The following HIPK2 variants were observed in gnomAD, a reference collection of about 807,000 sequenced individuals.
HIPK2 encodes the protein homeodomain-interacting protein kinase 2.
A neutral mutation model predicts 113.7 loss-of-function variants in HIPK2; 27 were observed. That is an observed-to-expected ratio of 0.24 (90% CI 0.17 to 0.33). The LOEUF (loss-of-function observed/expected upper bound fraction) is 0.33. HIPK2 is among the 10% of genes least tolerant of loss of function. The pLI is 1.00. For missense variants in HIPK2, 1,257 were observed against 1,588.0 expected (o/e 0.79, Z 3.54); for synonymous variants, 631 against 642.2 (o/e 0.98, Z 0.26).
chr7:139,721,643 A>G (rs975398631), intron 1 of HIPK2, among the ~76,000 whole-genome samples: 1 of 152,234 alleles, frequency 6.6e-6, no homozygotes, highest in African/African-American at 2.4e-5. Flanking sequence ...CTTAATGCAC[A>G]TTGTCAGTTT....
chr7:139,709,278 TA>T (rs1386854060), intron 2 of HIPK2, among the ~76,000 whole-genome samples: 3 of 152,226 alleles, frequency 2.0e-5, no homozygotes, highest in African/African-American at 7.2e-5. Context: ...TTTCTATTAG[TA>T]AAAGACAAAT....
chr7:139,673,406 G>T (rs1266322492), intron 2 of HIPK2, among the ~76,000 whole-genome samples: 1 of 152,206 alleles, frequency 6.6e-6, no homozygotes, highest in Admixed American at 6.5e-5. Context: ...CTGGGAAAAA[G>T]TCACTTAGCT....
intron 1 of HIPK2, among the ~76,000 whole-genome samples, chr7:139,759,291 T>A (rs1796425293): frequency 6.6e-6 from 1 of 152,222 alleles, no homozygotes; most frequent in Non-Finnish European, 1.5e-5. Context: ...ACAGATTCCA[T>A]GGGTGATGTT....
intron 2 of HIPK2, among the ~76,000 whole-genome samples, chr7:139,704,512 ACACACCCCAACACACCCC>A (rs1213617650): frequency 4.0e-5 from 6 of 150,514 alleles, no homozygotes; most frequent in African/African-American, 1.5e-4. Context: ...CAACACACAC[ACACACCCCAACACACCCC>A]CACACCCCAT....
At chr7:139,704,874 A>G (rs374587774) in intron 2 of HIPK2, among the ~76,000 whole-genome samples, 18 of 152,264 alleles carry the variant, frequency 1.2e-4, no homozygotes, top group African/African-American at 4.1e-4. Context: ...CAGAAGCAGC[A>G]GCCTGGAGGT....
chr7:139,582,264 C>G (rs1312449635), intron 13 of HIPK2, among the ~76,000 whole-genome samples: 4 of 152,228 alleles, frequency 2.6e-5, no homozygotes, highest in Non-Finnish European at 5.9e-5. Flanking sequence ...GTCACCAGAC[C>G]CTAGCAGCAA....
intron 2 of HIPK2, among the ~76,000 whole-genome samples, chr7:139,648,452 C>T (rs993223580): frequency 2.6e-5 from 4 of 152,116 alleles, no homozygotes; most frequent in African/African-American, 4.8e-5. Flanking sequence ...CAGAGAGAAG[C>T]GTGGAGGGAA....
At chr7:139,586,528 G>A (rs1798836699) in intron 12 of HIPK2, among the ~76,000 whole-genome samples, 1 of 151,994 alleles carries the variant, frequency 6.6e-6, no homozygotes, top group Non-Finnish European at 1.5e-5. Flanking sequence ...CGGTGCTTTG[G>A]GAGGCTGAGG....
chr7:139,591,882 C>G (rs1049786962), intron 12 of HIPK2, among the ~76,000 whole-genome samples: 9 of 152,280 alleles, frequency 5.9e-5, no homozygotes, highest in Non-Finnish European at 1.3e-4. Flanking sequence ...GTAGCAGCTT[C>G]TCAACCAATG....
chr7:139,658,920 T>C (rs1801766444), intron 2 of HIPK2, among the ~76,000 whole-genome samples: 1 of 152,184 alleles, frequency 6.6e-6, no homozygotes, highest in Non-Finnish European at 1.5e-5. Flanking sequence ...GTAACCTTCC[T>C]ATATACCACT....
At chr7:139,750,707 T>C (rs1397818060) in intron 1 of HIPK2, among the ~76,000 whole-genome samples, 1 of 152,244 alleles carries the variant, frequency 6.6e-6, no homozygotes, top group African/African-American at 2.4e-5. Context: ...CAATGAGGAC[T>C]GCTGTGAGAA....
At chr7:139,771,592 T>C (rs1252119571) in intron 1 of HIPK2, among the ~76,000 whole-genome samples, 1 of 152,156 alleles carries the variant, frequency 6.6e-6, no homozygotes, top group East Asian at 1.9e-4. Context: ...GCACGGCTAT[T>C]GTAGGGGACA....
intron 2 of HIPK2, among the ~76,000 whole-genome samples, chr7:139,660,022 A>T (rs1192887939): frequency 6.6e-6 from 1 of 152,246 alleles, no homozygotes; most frequent in African/African-American, 2.4e-5. Context: ...TTCAAAAATC[A>T]CCTTTGGGCG....
intron 1 of HIPK2, among the ~76,000 whole-genome samples, chr7:139,729,790 T>G (rs891734342): frequency 3.9e-5 from 6 of 152,228 alleles, no homozygotes; most frequent in African/African-American, 1.4e-4. Context: ...GAAGGCTGCT[T>G]ACCTTGTCCC....
At chr7:139,749,857 G>A (rs1285300128) in intron 1 of HIPK2, among the ~76,000 whole-genome samples, 1 of 152,168 alleles carries the variant, frequency 6.6e-6, no homozygotes, top group East Asian at 1.9e-4. Flanking sequence ...ATCTTCACAA[G>A]GACAGAAGAT....
Position 139,621,465 on chromosome 7 carries a change from A to G in HIPK2, c.1620-902T>C, listed in dbSNP as rs115409244. Reference sequence around the variant, plus strand: ...AACCCCAACTACAAAAGTAAAGTATAAAAGTGGTGCTGAAACCAGCATCAG... The same window carrying G: ...AACCCCAACTACAAAAGTAAAGTATGAAAGTGGTGCTGAAACCAGCATCAG... On this transcript the variant is annotated intron_variant, in intron 6 of 14. Transcript: ENST00000406875. 3.5e-3 allele frequency among the ~76,000 whole-genome samples: 529 copies of G among 152,366 alleles called. 5 individuals carry two copies. The highest frequency in any genetic ancestry group is 0.012 in the African/African-American group (504 of 41,578).
intron 1 of HIPK2, among the ~76,000 whole-genome samples, chr7:139,766,276 C>G (rs1796551783): frequency 6.6e-6 from 1 of 152,218 alleles, no homozygotes. Context: ...CTGGCAATAG[C>G]AAGTGTGCGG....
chr7:139,724,618 T>C (rs1438605075), intron 1 of HIPK2, among the ~76,000 whole-genome samples: 1 of 151,874 alleles, frequency 6.6e-6, no homozygotes, highest in Non-Finnish European at 1.5e-5. Context: ...GCCATGCTGG[T>C]GTGCTGCACC....
chr7:139,609,591 T>C (rs1395609991), intron 9 of HIPK2, among the ~76,000 whole-genome samples: 1 of 152,192 alleles, frequency 6.6e-6, no homozygotes, highest in Non-Finnish European at 1.5e-5. Flanking sequence ...AATTTAACTG[T>C]AGAAAAACGA....
Sources: allele counts gnomAD v4.1 joint callset (sites outside exome capture counted in the v4.1 genomes callset), GRCh38; gene constraint gnomAD v4.1.1; transcripts MANE v1.5; gene names NCBI Gene and HGNC (gene_info 2026-07-23, HGNC 2026-07-21).